The following FGD4 variants were observed in gnomAD, a reference collection of about 807,000 sequenced individuals.
The protein encoded by FGD4 is FYVE, RhoGEF and PH domain containing 4, also known as FYVE, RhoGEF and PH domain-containing protein 4.
A neutral mutation model predicts 102.0 loss-of-function variants in FGD4; 42 were observed. The ratio of observed to expected loss-of-function variants is 0.41; its 90% confidence interval spans 0.32 to 0.53. The LOEUF is 0.53. FGD4 is among the 20% of genes least tolerant of loss of function. FGD4 has a pLI of 0.21. For synonymous variants in FGD4, 380 were observed against 375.7 expected (o/e 1.01, Z -0.13); for missense variants, 902 against 1,078.2 (o/e 0.84, Z 2.29).
chr12:32,519,400 A>G (rs1940261698), intron 1 of FGD4, among the ~76,000 whole-genome samples: 1 of 152,220 alleles, frequency 6.6e-6, no homozygotes. Flanking sequence ...TTTTATCACT[A>G]CAATGGATGT....
At chr12:32,415,076 C>T (rs762895209) in intron 1 of FGD4, among the ~76,000 whole-genome samples, 32 of 152,112 alleles carry the variant, frequency 2.1e-4, no homozygotes, top group Non-Finnish European at 4.0e-4. Context: ...AACTTCCATG[C>T]GTTTGTATAT....
At chr12:32,477,153 T>C (rs1943603207) in intron 1 of FGD4, among the ~76,000 whole-genome samples, 1 of 151,898 alleles carries the variant, frequency 6.6e-6, no homozygotes. Flanking sequence ...CCGGGCGTGG[T>C]GGTGGGTGCC....
At chr12:32,534,437 C>CT (rs747345889) in intron 1 of FGD4, 2 of 1,525,724 alleles carry the variant, frequency 1.3e-6, no homozygotes, top group Non-Finnish European at 1.8e-6. Context: ...AGCCAAATAT[C>CT]TTTTTATTAA....
intron 8 of FGD4, among the ~76,000 whole-genome samples, chr12:32,608,431 C>T (rs76103477): frequency 0.012 from 1,878 of 152,250 alleles, 18 homozygotes; most frequent in Non-Finnish European, 0.018. Flanking sequence ...TACAAGTGCT[C>T]CTGTTTAATT....
intron 10 of FGD4, among the ~76,000 whole-genome samples, chr12:32,614,939 G>A (rs986302153): frequency 1.3e-5 from 2 of 152,030 alleles, no homozygotes; most frequent in African/African-American, 4.8e-5. Context: ...AAAGAATTTG[G>A]TTGCTATATG....
Position 32,488,041 on chromosome 12 carries a change from G to A in FGD4, c.167-76096G>A, listed in dbSNP as rs73301568. 2.7e-3 allele frequency among the ~76,000 whole-genome samples: 411 copies of A among 152,244 alleles called. 1 individual carries two copies. Among genetic ancestry groups the A allele is most frequent in the African/African-American group, 9.5e-3 (393 of 41,550 alleles). ...GAATGAAAACTAGATCCATGCATAG[G>A]AGATAAATCAAGCATGGGCTGTGAA... On this transcript the variant is annotated intron_variant, in intron 1 of 16. Transcript: ENST00000534526.
chr12:32,538,260 GCTATGTTCCTAGGGTCTAGAAAGGTAACT>G (rs1942481437), intron 1 of FGD4, among the ~76,000 whole-genome samples: 2 of 152,264 alleles, frequency 1.3e-5, no homozygotes, highest in South Asian at 4.1e-4. Flanking sequence ...GGTGTTCACT[GCTATGTTCCTAGGGTCTAGAAAGGTAACT>G]AATAGATACT....
At chr12:32,553,805 A>C (rs1206077940) in intron 1 of FGD4, among the ~76,000 whole-genome samples, 2 of 152,244 alleles carry the variant, frequency 1.3e-5, no homozygotes, top group Non-Finnish European at 2.9e-5. Flanking sequence ...AATGTAAATA[A>C]AATAATAAAC....
chr12:32,480,271 C>G (rs1489334057), intron 1 of FGD4, among the ~76,000 whole-genome samples: 2 of 151,750 alleles, frequency 1.3e-5, no homozygotes, highest in Non-Finnish European at 2.9e-5. Flanking sequence ...ACACCATTCT[C>G]CTGTCTCAGC....
Position 32,607,915 on chromosome 12 carries a change from C to T in FGD4, c.1405-42C>T, listed in dbSNP as rs1373502843. 1.9e-6 allele frequency: 3 copies of T among 1,612,810 alleles called. No individual in the cohort carries two copies. The African/African-American group carries it at 4.0e-5, about 22-fold the overall frequency. On this transcript the variant is annotated intron_variant, in intron 7 of 16. Transcript: ENST00000534526. ...TACAGTGAGTTTTTAGACTTGCTAA[C>T]CTAATTTTTAAATGTTTCTTAGAAA...
At position 32,644,695 on chromosome 12, in the gene FGD4, G is replaced by GCA; in HGVS notation, c.*4162_*4163insCA. On this transcript the variant is annotated 3_prime_UTR_variant, in exon 17 of 17. Coordinates refer to ENST00000534526, the MANE Select transcript of FGD4 (RefSeq NM_001370298.3). ...TCCAGACCACAGCAATGTGTTTTAA[G>GCA]ATAAGATGAAATATTTTAACTGCAG... is the stretch of plus-strand genomic sequence containing the variant. The GCA allele has an allele frequency of 6.6e-6, 1 of 152,244 alleles. No homozygotes were observed. The highest frequency in any genetic ancestry group is 1.9e-4 in the East Asian group (1 of 5,186). 9.4% of individuals were successfully genotyped at this position (152,244 alleles called of 1,614,324 possible).
At chr12:32,418,474 A>G (rs1181875715) in intron 1 of FGD4, among the ~76,000 whole-genome samples, 8 of 151,968 alleles carry the variant, frequency 5.3e-5, no homozygotes, top group Admixed American at 5.3e-4. Context: ...TAGAGGTACC[A>G]CCTTGATGAT....
In FGD4 at chr12:32,399,714, T is replaced by G. The variant is rs1337295638; in HGVS notation, c.-80T>G. 3.0e-5 allele frequency: 44 copies of G among 1,491,042 alleles called. No homozygotes were observed. In the East Asian group the frequency reaches 1.1e-3, roughly 39 times the overall value. The allele number at this position is 1,491,042 out of a possible 1,614,324, so 92.4% of individuals were successfully genotyped here. The stretch of plus-strand genomic sequence containing the variant: ...CCCGGAGTCGCGCCGAACCTGGGCA[T>G]GCAGGCGACGCCCCCCAGGGGCCGC... On this transcript the variant is annotated 5_prime_UTR_variant, in exon 1 of 17. An upstream start codon of the reference 5' UTR is lost. Coordinates refer to ENST00000534526, the MANE Select transcript of FGD4 (RefSeq NM_001370298.3).
intron 7 of FGD4, among the ~76,000 whole-genome samples, chr12:32,604,552 AC>A (rs1328209294): frequency 2.0e-5 from 3 of 152,146 alleles, no homozygotes; most frequent in Non-Finnish European, 2.9e-5. Flanking sequence ...CTTTTCAATT[AC>A]TGTATTTTTC....
intron 1 of FGD4, among the ~76,000 whole-genome samples, chr12:32,555,063 C>A (rs1273046705): frequency 6.6e-6 from 1 of 152,182 alleles, no homozygotes; most frequent in African/African-American, 2.4e-5. Context: ...GCACTGGGAA[C>A]AAGGGAAGGA....
chr12:32,608,206 G>A (rs948784454), intron 8 of FGD4, 111 bp downstream of exon 8: 15 of 1,413,778 alleles, frequency 1.1e-5, no homozygotes, highest in East Asian at 2.3e-5. Context: ...AAATGTTGCT[G>A]TTAGAAGATA....
At chr12:32,628,717 C>T (rs765363149) in intron 14 of FGD4, among the ~76,000 whole-genome samples, 14 of 151,928 alleles carry the variant, frequency 9.2e-5, no homozygotes, top group African/African-American at 3.4e-4. Flanking sequence ...ACCGGGGAGG[C>T]GGAGGTTGTG....
chr12:32,603,856 C>T (rs115222554), intron 7 of FGD4, among the ~76,000 whole-genome samples: 1,751 of 152,210 alleles, frequency 0.012, 42 homozygotes, highest in African/African-American at 0.04. Context: ...GCATGCGCCA[C>T]CACCCTGGCT....
At chr12:32,572,984 T>G (rs1945798017) in intron 2 of FGD4, among the ~76,000 whole-genome samples, 1 of 152,218 alleles carries the variant, frequency 6.6e-6, no homozygotes. Flanking sequence ...TGAAGAGAAA[T>G]TTAGTCTCAA....
Sources: gnomAD v4.1 joint callset for allele counts (sites outside exome capture counted in the v4.1 genomes callset) on GRCh38, gnomAD v4.1.1 for gene constraint, MANE v1.5 for transcripts, NCBI Gene and HGNC (gene_info 2026-07-23, HGNC 2026-07-21) for gene names.